The following AREG variants were observed in gnomAD, a reference collection of about 807,000 sequenced individuals.
The protein encoded by AREG is amphiregulin.
A neutral mutation model predicts 28.0 loss-of-function variants in AREG; 16 were observed. The observed-to-expected ratio is 0.57, with a 90% CI of 0.39 to 0.87. The LOEUF is 0.87. Ranked by LOEUF, AREG falls within the 40% of genes least tolerant of loss-of-function variation. The pLI is 0.00. For missense variants in AREG, 287 were observed against 309.1 expected (o/e 0.93, Z 0.53); for synonymous variants, 113 against 113.5 (o/e 1.00, Z 0.02).
In AREG at chr4:74,445,206, C is replaced by G. The variant is rs1235559190; in HGVS notation, c.-140C>G. 2 of 1,494,284 alleles carry G rather than the reference C, an allele frequency of 1.3e-6. No individual in the cohort carries two copies. Among genetic ancestry groups the G allele is most frequent in the African/African-American group, 1.4e-5 (1 of 71,272 alleles). The allele number at this position is 1,494,284 out of a possible 1,614,324, so 92.6% of individuals were successfully genotyped here. ...AGCCCGAGGCGCCGCGCCCGCCGCCCCGAGCTCCCCAAGCCTTCGAGAGCG... is the reference window on the plus strand; with the variant it reads ...AGCCCGAGGCGCCGCGCCCGCCGCCGCGAGCTCCCCAAGCCTTCGAGAGCG... On this transcript the variant is annotated 5_prime_UTR_variant, in exon 1 of 6. Transcript: ENST00000395748.
At chr4:74,450,658 T>C in intron 4 of AREG, 126 bp downstream of exon 4, 1 of 1,341,084 alleles carries the variant, frequency 7.5e-7, no homozygotes, top group African/African-American at 1.5e-5. Flanking sequence ...CTTTGGTTTA[T>C]ATTTTTATAT....
chr4:74,452,428 G>A, intron 4 of AREG, 116 bp from the exon 5 acceptor site: 1 of 1,180,602 alleles, frequency 8.5e-7, no homozygotes, highest in Non-Finnish European at 1.2e-6. Context: ...GTCAAGTATA[G>A]TGATTGCTGG....
At chr4:74,449,372 AC>A in intron 3 of AREG, 124 bp downstream of exon 3, 1 of 1,511,658 alleles carries the variant, frequency 6.6e-7, no homozygotes. Flanking sequence ...TTGTTAAAGC[AC>A]CAGATAGTAA....
In AREG at chr4:74,445,156, G is replaced by A. The variant is rs1311427661; in HGVS notation, c.-190G>A. 4.6e-6 allele frequency: 6 copies of A among 1,312,934 alleles called. No homozygotes were observed. Among genetic ancestry groups the A allele is most frequent in the African/African-American group, 1.5e-5 (1 of 66,234 alleles). 81.3% of individuals were successfully genotyped at this position (1,312,934 alleles called of 1,614,324 possible). On this transcript the variant is annotated 5_prime_UTR_variant, in exon 1 of 6. Transcript: ENST00000395748. ...CCTACAGACGTTCGCACACCTGGGT[G>A]CCAGCGCCCCAGAGGTCCCGGGACA...
Position 74,445,267 on chromosome 4 carries a change from C to G in AREG, c.-79C>G. On this transcript the variant is annotated 5_prime_UTR_variant, in exon 1 of 6. Coordinates refer to ENST00000395748, the MANE Select transcript of AREG (RefSeq NM_001657.4). The stretch of plus-strand genomic sequence containing the variant: ...CCGGTCTCCACTCGCTCTTCCAACA[C>G]CCGCTCGTTTTGGCGGCAGCTCGTG... 6.4e-7 allele frequency: 1 copy of G among 1,566,578 alleles called. No individual in the cohort carries two copies. The highest frequency in any genetic ancestry group is 1.2e-5 in the South Asian group (1 of 85,150).
In AREG at chr4:74,449,150, A is replaced by G; in HGVS notation, c.414A>G (p.Arg138=). ...GAGGCAAAAATGGAAAAAATAGAAG[A>G]AACAGAAAGAAGAAAAATCCATGTA... ...KKGGKNGKNR[R]NRKKKNPCNA... The change falls in exon 3 of 6, where the codon AGA becomes AGG. Residue 138 remains arginine, a synonymous_variant. Transcript: ENST00000395748. The G allele has an allele frequency of 6.2e-7, 1 of 1,613,060 alleles. No homozygotes were observed. The highest frequency in any genetic ancestry group is 1.1e-5 in the South Asian group (1 of 90,924).
intron 3 of AREG, among the ~76,000 whole-genome samples, chr4:74,449,704 G>A (rs964819227): frequency 5.3e-5 from 8 of 152,134 alleles, no homozygotes; most frequent in Admixed American, 3.9e-4. Flanking sequence ...GCAGTGAGCC[G>A]TGATCGCACC....
Position 74,445,158 on chromosome 4 carries a change from C to T in AREG, c.-188C>T. 4 of 1,331,648 alleles carry T rather than the reference C, an allele frequency of 3.0e-6. No homozygotes were observed. The highest frequency in any genetic ancestry group is 3.1e-5 in the South Asian group (2 of 64,986). 82.5% of individuals were successfully genotyped at this position (1,331,648 alleles called of 1,614,324 possible). A position where few individuals can be genotyped will look rare whatever the true frequency, so the allele number is the denominator to read the frequency against. ...TACAGACGTTCGCACACCTGGGTGCCAGCGCCCCAGAGGTCCCGGGACAGC... is the reference window on the plus strand; with the variant it reads ...TACAGACGTTCGCACACCTGGGTGCTAGCGCCCCAGAGGTCCCGGGACAGC... On this transcript the variant is annotated 5_prime_UTR_variant, in exon 1 of 6. Coordinates refer to ENST00000395748, the MANE Select transcript of AREG (RefSeq NM_001657.4).
At chr4:74,449,930 CTCTT>C (rs1415809040) in intron 3 of AREG, among the ~76,000 whole-genome samples, 1 of 151,154 alleles carries the variant, frequency 6.6e-6, no homozygotes, top group Non-Finnish European at 1.5e-5. Context: ...CTCTCTCTCT[CTCTT>C]TCTTTCTATA....
chr4:74,447,799 A>G (rs1719317519), intron 2 of AREG, among the ~76,000 whole-genome samples: 1 of 152,110 alleles, frequency 6.6e-6, no homozygotes, highest in African/African-American at 2.4e-5. Flanking sequence ...GAAGTGAGAA[A>G]ACCTTTAGCG....
Position 74,449,033 on chromosome 4 carries a change from CT to C in AREG, c.311-10del. On this transcript the variant is annotated splice_polypyrimidine_tract_variant and intron_variant, in intron 2 of 5. Transcript: ENST00000395748. ...GTTTGAGAGACTCTTGTCAATAAAT[CT>C]TTTCTTTTTTAGTTGAACAGGTAGT... 1 of 1,607,104 alleles carries C rather than the reference CT, an allele frequency of 6.2e-7. No individual in the cohort carries two copies. Among genetic ancestry groups the C allele is most frequent in the Non-Finnish European group, 8.5e-7 (1 of 1,178,848 alleles).
At chr4:74,447,807 G>A (rs1380731173) in intron 2 of AREG, among the ~76,000 whole-genome samples, 1 of 152,084 alleles carries the variant, frequency 6.6e-6, no homozygotes, top group African/African-American at 2.4e-5. Flanking sequence ...AAAACCTTTA[G>A]CGAACACTCC....
intron 4 of AREG, among the ~76,000 whole-genome samples, chr4:74,451,104 A>G (rs1719374307): frequency 6.6e-6 from 1 of 152,222 alleles, no homozygotes; most frequent in Non-Finnish European, 1.5e-5. Context: ...CTCAATTATT[A>G]AAAATAAATT....
intron 4 of AREG, 80 bp from the exon 5 acceptor site, chr4:74,452,464 C>T: frequency 1.3e-6 from 2 of 1,537,808 alleles, no homozygotes; most frequent in East Asian, 2.3e-5. Context: ...GAAGTGGAAC[C>T]CCCTCTACTC....
intron 2 of AREG, 118 bp downstream of exon 2, chr4:74,446,900 G>A: frequency 6.3e-7 from 1 of 1,595,350 alleles, no homozygotes; most frequent in Non-Finnish European, 8.6e-7. Flanking sequence ...ATATCTGTTG[G>A]ATAGCCCCTA....
intron 5 of AREG, among the ~76,000 whole-genome samples, chr4:74,453,304 C>CT (rs1157023721): frequency 1.3e-5 from 2 of 152,046 alleles, no homozygotes; most frequent in Middle Eastern, 3.4e-3. Context: ...GTTGAATGCT[C>CT]TTTTTTTACA....
At position 74,450,489 on chromosome 4, in the gene AREG, A is replaced by C. The variant is rs62314511; in HGVS notation, c.622A>C (p.Met208Leu). 33,513 of 1,613,936 alleles carry C rather than the reference A, an allele frequency of 0.021. 413 individuals are homozygous for C. Among genetic ancestry groups the C allele is most frequent in the Middle Eastern group, 0.033 (199 of 6,046 alleles). Residue 208 changes from methionine (M) to leucine (L), a missense_variant, in exon 4 of 6, where the codon ATG (methionine) becomes CTG (leucine). Coordinates refer to ENST00000395748, the MANE Select transcript of AREG (RefSeq NM_001657.4). ...KIALAAIAAF[M>L]SAVILTAVAV... ...TGCATTAGCAGCCATAGCTGCCTTT[A>C]TGTCTGCTGTGATCCTCACAGCTGT...
chr4:74,449,124 G>A lies in AREG; in HGVS notation c.388G>A (p.Gly130Arg), dbSNP rs768032557. Residue 130 changes from glycine to arginine, a missense_variant, in exon 3 of 6, where the codon GGA becomes AGA. By Grantham distance (125) the Gly-to-Arg change is moderately radical. Transcript: ENST00000395748. ...TSDKPKRKKK[G>R]GKNGKNRRNR... ...AGATAAACCCAAAAGAAAGAAAAAG[G>A]GAGGCAAAAATGGAAAAAATAGAAG... 19 of 1,611,784 alleles carry A rather than the reference G, an allele frequency of 1.2e-5. No homozygotes were observed. The highest frequency in any genetic ancestry group is 8.5e-7 in the Non-Finnish European group (1 of 1,179,572).
intron 2 of AREG, among the ~76,000 whole-genome samples, chr4:74,447,915 G>C (rs1041737025): frequency 6.6e-6 from 1 of 152,216 alleles, no homozygotes. Flanking sequence ...ACCCATCAAG[G>C]TGTCTAGAAA....
Sources: gnomAD v4.1 joint callset for allele counts (sites outside exome capture counted in the v4.1 genomes callset) on GRCh38, gnomAD v4.1.1 for gene constraint, MANE v1.5 for transcripts, NCBI Gene and HGNC (gene_info 2026-07-23, HGNC 2026-07-21) for gene names.